The following UPRT variants were observed in gnomAD, a reference collection of about 807,000 sequenced individuals.
UPRT encodes the protein uracil phosphoribosyltransferase homolog.
Under a neutral mutation model 22.6 loss-of-function variants are expected in UPRT, and 5 were observed. That is an observed-to-expected ratio of 0.22 (90% CI 0.12 to 0.47). UPRT has a LOEUF of 0.47. Ranked by LOEUF, UPRT falls within the 20% of genes least tolerant of loss-of-function variation. The pLI, the probability that UPRT is intolerant of heterozygous loss-of-function variation, is 0.99. For synonymous variants in UPRT, 77 were observed against 87.7 expected, an observed-to-expected ratio of 0.88 and a Z score of 0.68; for missense variants, 181 against 239.9, an observed-to-expected ratio of 0.75 and a Z score of 1.62.
intron 4 of UPRT, among the ~76,000 whole-genome samples, chrX:75,261,327 A>G (rs773467626): frequency 1.3e-4 from 14 of 111,341 alleles, no homozygotes; most frequent in Non-Finnish European, 2.5e-4. Context: ...AAAAAATGAT[A>G]AAGGGGATAT....
At chrX:75,192,308 C>T (rs2082318065) in intron 4 of UPRT, among the ~76,000 whole-genome samples, 1 of 106,015 alleles carries the variant, frequency 9.4e-6, no homozygotes, top group African/African-American at 3.3e-5. Context: ...TTTTATTGCA[C>T]TGTGGTCCAA....
intron 4 of UPRT, among the ~76,000 whole-genome samples, chrX:75,227,757 G>A (rs1473345364): frequency 8.9e-6 from 1 of 112,051 alleles, no homozygotes; most frequent in East Asian, 2.8e-4. Context: ...ATAATTAAGG[G>A]ACATATGTTG....
intron 4 of UPRT, among the ~76,000 whole-genome samples, chrX:75,240,729 G>A: frequency 9.0e-6 from 1 of 111,554 alleles, no homozygotes; most frequent in East Asian, 2.8e-4. Context: ...TTTAAAAATA[G>A]GCACATAGAC....
At chrX:75,196,952 G>A (rs1397520363) in intron 4 of UPRT, among the ~76,000 whole-genome samples, 1 of 111,882 alleles carries the variant, frequency 8.9e-6, no homozygotes, top group Non-Finnish European at 1.9e-5. Flanking sequence ...GCTGTTTCTA[G>A]TAAATCGGGC....
chrX:75,299,581 A>G (rs1185067575), intron 4 of UPRT, among the ~76,000 whole-genome samples, 154 bp from the exon 5 acceptor site: 1 of 112,128 alleles, frequency 8.9e-6, no homozygotes, highest in Non-Finnish European at 1.9e-5. Context: ...ATGAAATATG[A>G]GCATATCAGA....
intron 4 of UPRT, among the ~76,000 whole-genome samples, chrX:75,262,089 G>A (rs1354736940): frequency 5.4e-5 from 6 of 111,662 alleles, no homozygotes; most frequent in Non-Finnish European, 7.5e-5. Flanking sequence ...AGATGCCTCC[G>A]CAGAAATGAT....
intron 4 of UPRT, among the ~76,000 whole-genome samples, chrX:75,194,764 G>A (rs1202094923): frequency 9.0e-6 from 1 of 111,169 alleles, no homozygotes; most frequent in Non-Finnish European, 1.9e-5. Context: ...GTTTGTGTAG[G>A]GCCAAGGTGC....
At chrX:75,212,279 T>TG (rs760827324) in intron 4 of UPRT, among the ~76,000 whole-genome samples, 15 of 111,889 alleles carry the variant, frequency 1.3e-4, no homozygotes, top group Admixed American at 1.9e-4. Flanking sequence ...ATCACATAAT[T>TG]GGAAGTAAAA....
At chrX:75,274,965 T>C (rs1036579219) in intron 1 of UPRT, among the ~76,000 whole-genome samples, 3 of 110,486 alleles carry the variant, frequency 2.7e-5, no homozygotes, top group Non-Finnish European at 5.7e-5. Flanking sequence ...TAAACTCCCC[T>C]ATACTATGTG....
In UPRT at chrX:75,162,760, T is replaced by C. The variant is rs183062018; in HGVS notation, c.-614-372T>C. 4.1e-4 allele frequency among the ~76,000 whole-genome samples: 46 copies of C among 111,804 alleles called. No homozygotes were observed. The South Asian group carries it at 0.017, about 40-fold the overall frequency. On this transcript the variant is annotated intron_variant, in intron 2 of 13. Transcript: ENST00000652605. ...GGAGCCTCTCTGGCAGAATCAGATTTTTTTAAAGATCTATTGTTACCCAGG... is the reference window on the plus strand; with the variant it reads ...GGAGCCTCTCTGGCAGAATCAGATTCTTTTAAAGATCTATTGTTACCCAGG...
intron 4 of UPRT, among the ~76,000 whole-genome samples, chrX:75,221,874 T>C (rs1199792712): frequency 8.9e-6 from 1 of 111,806 alleles, no homozygotes; most frequent in Non-Finnish European, 1.9e-5. Context: ...TTGATGCTTG[T>C]GGATGTTTGA....
intron 4 of UPRT, among the ~76,000 whole-genome samples, chrX:75,268,592 G>A (rs1219053149): frequency 1.8e-5 from 2 of 111,629 alleles, no homozygotes; most frequent in Non-Finnish European, 3.8e-5. Flanking sequence ...TGGGATGCAA[G>A]GCTGGTTCAA....
chrX:75,221,858 A>G (rs1440765183), intron 4 of UPRT, among the ~76,000 whole-genome samples: 2 of 111,421 alleles, frequency 1.8e-5, no homozygotes, highest in African/African-American at 6.5e-5. Flanking sequence ...TGTTTTCTGG[A>G]TAGTCTTGAT....
At chrX:75,300,746 C>A in intron 5 of UPRT, 121 bp from the exon 6 acceptor site, 1 of 511,183 alleles carries the variant, frequency 2.0e-6, no homozygotes, top group Admixed American at 3.6e-5. Context: ...GAGATCATGC[C>A]ACTGCACTCC....
rs762464547 is a variant in UPRT at position 75,233,383 on chromosome X, C to A, written c.-446-57641C>A. 5.4e-5 allele frequency among the ~76,000 whole-genome samples: 6 copies of A among 111,530 alleles called. No homozygotes were observed. In the South Asian group the frequency reaches 2.3e-3, roughly 43 times the overall value. On this transcript the variant is annotated intron_variant, in intron 4 of 13. Transcript: ENST00000652605. ...CTCTGCAGGATATTCTCCATGAGAA[C>A]TTCCCCAATCTCGCAAGGCAGGCCA...
intron 4 of UPRT, among the ~76,000 whole-genome samples, chrX:75,191,258 G>C (rs774501128): frequency 6.2e-5 from 7 of 112,427 alleles, no homozygotes; most frequent in African/African-American, 2.3e-4. Context: ...GACCCTGTTT[G>C]CCTGGTTATC....
intron 4 of UPRT, among the ~76,000 whole-genome samples, chrX:75,176,348 C>T (rs935432146): frequency 3.6e-5 from 4 of 111,167 alleles, no homozygotes; most frequent in South Asian, 3.9e-4. Flanking sequence ...TCCAAACTCT[C>T]GGGCTGCAGC....
At chrX:75,264,258 G>A (rs1333697987) in intron 4 of UPRT, among the ~76,000 whole-genome samples, 1 of 111,597 alleles carries the variant, frequency 9.0e-6, no homozygotes, top group Non-Finnish European at 1.9e-5. Flanking sequence ...GCAGAGCTGA[G>A]TTCAATTCCT....
At chrX:75,159,421 G>A (rs780125611) in intron 1 of UPRT, among the ~76,000 whole-genome samples, 5 of 112,031 alleles carry the variant, frequency 4.5e-5, no homozygotes, top group African/African-American at 1.3e-4. Context: ...TGTATATATT[G>A]TTTATGATAT....
Sources: gnomAD v4.1 joint callset for allele counts (sites outside exome capture counted in the v4.1 genomes callset) on GRCh38, gnomAD v4.1.1 for gene constraint, MANE v1.5 for transcripts, NCBI Gene and HGNC (gene_info 2026-07-23, HGNC 2026-07-21) for gene names.